Variants in ARHGAP26 observed in about 807,000 individuals in gnomAD.
ARHGAP26 encodes the protein Rho GTPase activating protein 26, also known as rho GTPase-activating protein 26.
Under a neutral mutation model 104.8 loss-of-function variants are expected in ARHGAP26, and 38 were observed. The ratio of observed to expected loss-of-function variants is 0.36; its 90% CI spans 0.28 to 0.48. ARHGAP26 has a LOEUF of 0.48. Ranked by LOEUF, ARHGAP26 falls within the 20% of genes least tolerant of loss-of-function variation. The pLI, the probability that ARHGAP26 is intolerant of heterozygous loss-of-function variation, is 0.99. For missense variants in ARHGAP26, 704 were observed against 947.9 expected (o/e 0.74, Z 3.38); for synonymous variants, 341 against 340.0 (o/e 1.00, Z -0.03).
In ARHGAP26 at chr5:143,225,051, G is replaced by A. The variant is rs1472799515; in HGVS notation, c.*2605G>A. 1.3e-5 allele frequency: 3 copies of A among 225,032 alleles called. No individual in the cohort carries two copies. Among genetic ancestry groups the A allele is most frequent in the Non-Finnish European group, 2.7e-5 (3 of 113,024 alleles). 13.9% of individuals were successfully genotyped at this position (225,032 alleles called of 1,614,324 possible). ...CGAGAAGAAAGGGAGTATACTAGTAGGTTAGATCTGTGAACCTGAGGACAA... is the reference window on the plus strand; with the variant it reads ...CGAGAAGAAAGGGAGTATACTAGTAAGTTAGATCTGTGAACCTGAGGACAA... On this transcript the variant is annotated 3_prime_UTR_variant, in exon 23 of 23. Coordinates refer to ENST00000645722, the MANE Select transcript of ARHGAP26 (RefSeq NM_001135608.3).
intron 18 of ARHGAP26, among the ~76,000 whole-genome samples, chr5:143,130,309 A>G (rs150032553): frequency 2.5e-4 from 38 of 152,354 alleles, no homozygotes; most frequent in African/African-American, 8.7e-4. Flanking sequence ...TTATTCCCCA[A>G]TAGCTTCCAG....
At chr5:143,071,618 T>C (rs1788259064) in intron 17 of ARHGAP26, among the ~76,000 whole-genome samples, 1 of 152,048 alleles carries the variant, frequency 6.6e-6, no homozygotes, top group African/African-American at 2.4e-5. Context: ...GAAGCAAAAA[T>C]AAATGTGGCC....
intron 11 of ARHGAP26, among the ~76,000 whole-genome samples, chr5:142,987,129 A>T (rs185570325): frequency 2.4e-3 from 371 of 152,342 alleles, no homozygotes; most frequent in African/African-American, 8.4e-3. Flanking sequence ...ATCCATGAGC[A>T]TAGAATGTTC....
At chr5:142,867,594 G>C (rs1597993030) in intron 1 of ARHGAP26, among the ~76,000 whole-genome samples, 1 of 152,246 alleles carries the variant, frequency 6.6e-6, no homozygotes, top group Admixed American at 6.5e-5. Context: ...ACTGCAACCT[G>C]GGGCTTGTGC....
rs528384812 is a variant in ARHGAP26, at chr5:142,917,499, CTG to C, written c.1028+4208_1028+4209del. Among the ~76,000 whole-genome samples the C allele has an allele frequency of 8.5e-4, 129 of 152,312 alleles. 1 individual carries two copies. Among genetic ancestry groups the C allele is most frequent in the Non-Finnish European group, 1.7e-3 (113 of 68,026 alleles). On this transcript the variant is annotated intron_variant, in intron 10 of 22. Coordinates refer to ENST00000645722, the MANE Select transcript of ARHGAP26 (RefSeq NM_001135608.3). ...TTTGGCATTGTAAACTACAATGAAA[CTG>C]TACAATATAAAGTACAATGAACTGA...
At chr5:142,879,947 T>C (rs955235477) in intron 4 of ARHGAP26, among the ~76,000 whole-genome samples, 2 of 152,214 alleles carry the variant, frequency 1.3e-5, no homozygotes, top group African/African-American at 4.8e-5. Context: ...ATGGGCCCTC[T>C]CTTGCTGATT....
chr5:142,982,102 A>C (rs892770312), intron 11 of ARHGAP26, among the ~76,000 whole-genome samples: 1 of 152,156 alleles, frequency 6.6e-6, no homozygotes, highest in Non-Finnish European at 1.5e-5. Flanking sequence ...CCTGTGACCA[A>C]ATGTTTAGCA....
chr5:142,788,688 A>G (rs1374047091), intron 1 of ARHGAP26, among the ~76,000 whole-genome samples: 2 of 152,216 alleles, frequency 1.3e-5, no homozygotes, highest in Admixed American at 6.5e-5. Flanking sequence ...TCTTGAGATG[A>G]TTTAAAATAT....
intron 13 of ARHGAP26, among the ~76,000 whole-genome samples, chr5:143,040,651 A>G (rs933606828): frequency 3.3e-5 from 5 of 152,228 alleles, no homozygotes; most frequent in Non-Finnish European, 5.9e-5. Context: ...ATGACCAGTA[A>G]TGTTGATTGT....
chr5:142,947,568 T>C (rs1333390687), intron 11 of ARHGAP26, among the ~76,000 whole-genome samples: 2 of 152,210 alleles, frequency 1.3e-5, no homozygotes, highest in East Asian at 1.9e-4. Context: ...CTGTCTGTTA[T>C]AACCTTAAAA....
rs745319668 is a variant in ARHGAP26 at position 142,913,184 on chromosome 5, G to C, written c.934-15G>C. The C allele has an allele frequency of 1.2e-6, 2 of 1,610,696 alleles. No homozygotes were observed. Among genetic ancestry groups the C allele is most frequent in the Non-Finnish European group, 1.7e-6 (2 of 1,176,928 alleles). The stretch of plus-strand genomic sequence containing the variant: ...CATTCTGGCCTCATCTTGATAGTCT[G>C]TGTGTTCCCACTAGGGAGAAGATGA... On this transcript the variant is annotated splice_polypyrimidine_tract_variant and intron_variant, in intron 9 of 22. Transcript: ENST00000645722.
intron 8 of ARHGAP26, chr5:142,907,276 A>G (rs1761228092): frequency 1.3e-5 from 2 of 152,824 alleles, no homozygotes; most frequent in African/African-American, 2.4e-5. Context: ...GGGAAGCATG[A>G]TGTCATCGCA....
At chr5:142,910,748 A>G (rs116415685) in intron 9 of ARHGAP26, among the ~76,000 whole-genome samples, 4,558 of 152,240 alleles carry the variant, frequency 0.03, 84 homozygotes, top group Middle Eastern at 0.058. Context: ...CAAAAAAAGA[A>G]AAAAAGAAGA....
At chr5:143,081,329 A>G (rs1033086399) in intron 17 of ARHGAP26, among the ~76,000 whole-genome samples, 2 of 152,198 alleles carry the variant, frequency 1.3e-5, no homozygotes, top group Non-Finnish European at 2.9e-5. Flanking sequence ...ATCAGAGCAG[A>G]GCCTTTGGCT....
In ARHGAP26 at chr5:142,891,101, C is replaced by T. The variant is rs146491406; in HGVS notation, c.487-3137C>T. On this transcript the variant is annotated intron_variant, in intron 5 of 22. Transcript: ENST00000645722. Reference sequence around the variant, plus strand: ...GAGTAGATGCATCTCTCCGTGTAAGCGTGTTGGATTTGCGCTACAAGAAGA... The same window carrying T: ...GAGTAGATGCATCTCTCCGTGTAAGTGTGTTGGATTTGCGCTACAAGAAGA... Among the ~76,000 whole-genome samples the T allele has an allele frequency of 4.7e-3, 712 of 151,992 alleles. 21 individuals carry two copies. Among genetic ancestry groups the T allele is most frequent in the African/African-American group, 0.016 (673 of 41,286 alleles).
At chr5:142,806,039 G>T (rs6879799) in intron 1 of ARHGAP26, among the ~76,000 whole-genome samples, 6,902 of 152,262 alleles carry the variant, frequency 0.045, 528 homozygotes, top group African/African-American at 0.16. Flanking sequence ...TAATGCAAAG[G>T]TGTGTGTCTT....
At chr5:143,104,565 C>T (rs1333585908) in intron 17 of ARHGAP26, among the ~76,000 whole-genome samples, 1 of 152,064 alleles carries the variant, frequency 6.6e-6, no homozygotes, top group East Asian at 1.9e-4. Flanking sequence ...AATTCTATTT[C>T]TATGAATTTA....
intron 15 of ARHGAP26, 140 bp downstream of exon 15, chr5:143,054,666 G>T (rs997960278): frequency 3.4e-6 from 2 of 591,824 alleles, no homozygotes; most frequent in Non-Finnish European, 3.0e-6. Context: ...GGTGCGTTTA[G>T]CTCAGCTGGT....
At chr5:143,047,036 G>A (rs963678223) in intron 14 of ARHGAP26, among the ~76,000 whole-genome samples, 2 of 152,172 alleles carry the variant, frequency 1.3e-5, no homozygotes, top group Admixed American at 1.3e-4. Flanking sequence ...ACTATAGAGT[G>A]TCTATTGTCA....
Sources: allele counts gnomAD v4.1 joint callset (sites outside exome capture counted in the v4.1 genomes callset), GRCh38; gene constraint gnomAD v4.1.1; transcripts MANE v1.5; gene names NCBI Gene and HGNC (gene_info 2026-07-23, HGNC 2026-07-21).